Variants in SEM1 observed in about 807,000 individuals in gnomAD.
SEM1 encodes the protein 26S proteasome complex subunit SEM1.
Under a neutral mutation model 12.7 loss-of-function variants are expected in SEM1, and 3 were observed. The ratio of observed to expected loss-of-function variants is 0.24; its 90% CI spans 0.11 to 0.61. The LOEUF is 0.61. SEM1 is among the 20% of genes least tolerant of loss of function. The pLI is 0.88. For missense variants in SEM1, 59 were observed against 81.3 expected (o/e 0.73, Z 1.06); for synonymous variants, 30 against 27.8 (o/e 1.08, Z -0.25).
downstream of SEM1, among the ~76,000 whole-genome samples, chr7:96,619,535 C>T (rs552480028): frequency 6.6e-5 from 10 of 152,130 alleles, no homozygotes; most frequent in South Asian, 2.1e-3. Flanking sequence ...GACACTGGCA[C>T]CATGTTACTG....
intron 1 of SEM1, among the ~76,000 whole-genome samples, chr7:96,487,576 A>G (rs1802826181): frequency 6.7e-6 from 1 of 150,064 alleles, no homozygotes; most frequent in Non-Finnish European, 1.5e-5. Flanking sequence ...GAGCCTTACG[A>G]CTATTCTCTA....
intron 2 of SEM1, among the ~76,000 whole-genome samples, chr7:96,584,200 A>C (rs1183889403): frequency 1.3e-5 from 2 of 152,050 alleles, no homozygotes; most frequent in African/African-American, 4.8e-5. Flanking sequence ...TTGTCTGTAA[A>C]GTATTTTATT....
chr7:96,666,150 G>A (rs1030859417), intron 2 of SEM1, among the ~76,000 whole-genome samples: 5 of 152,310 alleles, frequency 3.3e-5, no homozygotes, highest in Admixed American at 6.5e-5. Flanking sequence ...AGCCAAGGCC[G>A]AATCTCTAGG....
intron 2 of SEM1, among the ~76,000 whole-genome samples, chr7:96,690,964 G>T (rs1191016446): frequency 1.3e-5 from 2 of 152,056 alleles, no homozygotes; most frequent in Non-Finnish European, 2.9e-5. Flanking sequence ...GTAGAGACGG[G>T]GTTTCAACAT....
chr7:96,594,492 G>A (rs1806935690), intron 2 of SEM1, among the ~76,000 whole-genome samples: 1 of 152,106 alleles, frequency 6.6e-6, no homozygotes, highest in South Asian at 2.1e-4. Context: ...ATGGAGCAGG[G>A]ATGCATAGGT....
At chr7:96,501,801 G>T (rs1008855688) in intron 3 of SEM1, among the ~76,000 whole-genome samples, 1 of 151,886 alleles carries the variant, frequency 6.6e-6, no homozygotes, top group African/African-American at 2.4e-5. Flanking sequence ...CGATGTTTGG[G>T]GTACAATTAA....
chr7:96,518,606 T>C (rs538626907), intron 2 of SEM1, among the ~76,000 whole-genome samples: 112 of 152,116 alleles, frequency 7.4e-4, no homozygotes, highest in Non-Finnish European at 1.1e-3. Context: ...TCTCTGAATT[T>C]ATATTCATCA....
intron 2 of SEM1, chr7:96,484,960 C>T: frequency 3.3e-6 from 2 of 602,978 alleles, no homozygotes; most frequent in South Asian, 3.3e-5. Flanking sequence ...GCTGTTATTC[C>T]TGTTGAGACT....
chr7:96,664,490 T>G (rs1467161310), intron 2 of SEM1, among the ~76,000 whole-genome samples: 2 of 152,226 alleles, frequency 1.3e-5, no homozygotes, highest in Admixed American at 1.3e-4. Context: ...TGCATCTCTC[T>G]GATCAATTCT....
intron 2 of SEM1, among the ~76,000 whole-genome samples, chr7:96,507,811 A>G (rs1201780968): frequency 2.0e-5 from 3 of 152,080 alleles, no homozygotes; most frequent in Non-Finnish European, 2.9e-5. Flanking sequence ...TCTCAAGGAA[A>G]TCACAAGTTT....
chr7:96,694,123 T>C (rs1010998757), intron 2 of SEM1, among the ~76,000 whole-genome samples: 7 of 151,984 alleles, frequency 4.6e-5, no homozygotes, highest in African/African-American at 7.2e-5. Flanking sequence ...ATTTCATTTA[T>C]ATGAAGCTTC....
At chr7:96,513,361 A>T (rs914025825) in intron 2 of SEM1, among the ~76,000 whole-genome samples, 2 of 152,154 alleles carry the variant, frequency 1.3e-5, no homozygotes, top group Non-Finnish European at 2.9e-5. Context: ...AGTTTGTGGT[A>T]CTTTCTTACA....
intron 2 of SEM1, among the ~76,000 whole-genome samples, chr7:96,625,989 C>T (rs1283504822): frequency 6.6e-6 from 1 of 152,150 alleles, no homozygotes; most frequent in Admixed American, 6.5e-5. Flanking sequence ...TATCCATCCC[C>T]TCAAGCATTT....
intron 2 of SEM1, chr7:96,645,759 T>C (rs754368265): frequency 1.0e-5 from 4 of 398,112 alleles, no homozygotes; most frequent in Middle Eastern, 6.2e-4. Context: ...CCATGCCGGA[T>C]AGATGGATGG....
chr7:96,671,527 C>T (rs539492142), downstream of SEM1, among the ~76,000 whole-genome samples: 16 of 152,164 alleles, frequency 1.1e-4, no homozygotes, highest in East Asian at 3.1e-3. Flanking sequence ...GATAATTTTA[C>T]TTGAATGAGC....
intron 2 of SEM1, among the ~76,000 whole-genome samples, chr7:96,485,687 C>T (rs138206101): frequency 0.013 from 1,910 of 151,710 alleles, 45 homozygotes; most frequent in African/African-American, 0.044. Flanking sequence ...GGACTACAGG[C>T]GCATGCCACC....
intron 1 of SEM1, chr7:96,696,397 GGCCAAATTCTTC>G (rs1305445296): frequency 1.3e-5 from 2 of 151,900 alleles, no homozygotes; most frequent in Middle Eastern, 3.2e-3. Flanking sequence ...CGAAAGAGCT[GGCCAAATTCTTC>G]GTTAATTATC....
At chr7:96,597,405 C>A (rs895837562) in intron 2 of SEM1, among the ~76,000 whole-genome samples, 1 of 151,968 alleles carries the variant, frequency 6.6e-6, no homozygotes, top group African/African-American at 2.4e-5. Flanking sequence ...TTCCAAATGC[C>A]CTTAAGAAGA....
chr7:96,554,618 C>T (rs369631374), intron 2 of SEM1, among the ~76,000 whole-genome samples: 5 of 151,480 alleles, frequency 3.3e-5, no homozygotes, highest in East Asian at 1.9e-4. Context: ...TTGAGGATTT[C>T]TGCATCAATG....
Sources: gnomAD v4.1 joint callset for allele counts (sites outside exome capture counted in the v4.1 genomes callset) on GRCh38, gnomAD v4.1.1 for gene constraint, MANE v1.5 for transcripts, NCBI Gene and HGNC (gene_info 2026-07-23, HGNC 2026-07-21) for gene names.